DOCK3: variants seen among roughly 807,000 people sequenced by gnomAD.
The protein encoded by DOCK3 is dedicator of cytokinesis protein 3.
A neutral mutation model predicts 265.6 loss-of-function variants in DOCK3; 60 were observed. The observed-to-expected ratio is 0.23, with a 90% CI of 0.18 to 0.28. DOCK3 has a LOEUF of 0.28. Among genes scored for constraint, DOCK3 ranks in the 10% least tolerant of loss-of-function variants. DOCK3 has a pLI of 1.00. For missense variants in DOCK3, 1,981 were observed against 2,594.3 expected (o/e 0.76, Z 5.14); for synonymous variants, 881 against 938.0 (o/e 0.94, Z 1.11).
At position 51,381,127 on chromosome 3, in the gene DOCK3, C is replaced by T; in HGVS notation, c.5661C>T (p.Gly1887=). 6.2e-7 allele frequency: 1 copy of T among 1,613,894 alleles called. No homozygotes were observed. The highest frequency in any genetic ancestry group is 8.5e-7 in the Non-Finnish European group (1 of 1,179,860). ...ACGGCAGCAACTCTACGCTGTCCGG[C>T]AGTGCCAGCAGCGGCGTGTCCTCCT... The part of the protein sequence containing the change: ...GLDGSNSTLS[G]SASSGVSSLS... Residue 1887 remains glycine, a synonymous_variant, in exon 53 of 53, where the codon GGC becomes GGT. Transcript: ENST00000266037. This position sits in a 1 kb window ranked among gnomAD's most constrained non-coding sequence, Gnocchi z 5.6.
intron 9 of DOCK3, among the ~76,000 whole-genome samples, chr3:51,120,966 G>A (rs781596381): frequency 1.3e-5 from 2 of 152,112 alleles, no homozygotes; most frequent in Non-Finnish European, 2.9e-5. Context: ...CCTTTCCAGG[G>A]GAGTGAATGG....
chr3:51,119,970 C>T (rs1038005156), intron 9 of DOCK3, among the ~76,000 whole-genome samples: 4 of 151,946 alleles, frequency 2.6e-5, no homozygotes, highest in Admixed American at 6.6e-5. Flanking sequence ...TCTGTCAATT[C>T]ATCAGACTCA....
At chr3:50,715,938 C>T (rs2037080878) in intron 1 of DOCK3, among the ~76,000 whole-genome samples, 1 of 152,036 alleles carries the variant, frequency 6.6e-6, no homozygotes, top group Non-Finnish European at 1.5e-5. Context: ...TTTCCGTCAG[C>T]TGTGATTCAT....
chr3:51,310,159 G>T, intron 27 of DOCK3, 73 bp from the exon 28 acceptor site: 1 of 1,168,736 alleles, frequency 8.6e-7, no homozygotes, highest in South Asian at 1.3e-5. Flanking sequence ...ATCTAGTGGC[G>T]GCCAGGAGTG....
intron 23 of DOCK3, among the ~76,000 whole-genome samples, chr3:51,261,615 T>A (rs1263793790): frequency 6.6e-6 from 1 of 152,136 alleles, no homozygotes; most frequent in Non-Finnish European, 1.5e-5. Flanking sequence ...AGCGGTCTAG[T>A]TCAGTGAATC....
chr3:51,022,205 T>A (rs1281898131), intron 5 of DOCK3, among the ~76,000 whole-genome samples: 3 of 152,232 alleles, frequency 2.0e-5, no homozygotes, highest in Non-Finnish European at 4.4e-5. Context: ...GACTGTATAT[T>A]TAGTGACCCT....
At chr3:51,136,944 AAGAAG>A (rs1321207743) in intron 9 of DOCK3, among the ~76,000 whole-genome samples, 1 of 152,048 alleles carries the variant, frequency 6.6e-6, no homozygotes, top group Non-Finnish European at 1.5e-5. Flanking sequence ...TTCTGTTGAA[AAGAAG>A]AGAAAAGCTG....
At chr3:51,004,868 G>A (rs748039592) in intron 5 of DOCK3, among the ~76,000 whole-genome samples, 11 of 147,196 alleles carry the variant, frequency 7.5e-5, no homozygotes, top group Admixed American at 2.1e-4. Flanking sequence ...ACTCTTTATC[G>A]TTCATTCAGG....
At chr3:51,342,758 G>A (rs376550005) in intron 38 of DOCK3, among the ~76,000 whole-genome samples, 1 of 152,186 alleles carries the variant, frequency 6.6e-6, no homozygotes, top group Non-Finnish European at 1.5e-5. Flanking sequence ...CATGGACTAG[G>A]GAGTAAAACA....
intron 2 of DOCK3, chr3:50,787,609 G>C (rs576848491): frequency 6.6e-6 from 8 of 1,218,782 alleles, no homozygotes; most frequent in Non-Finnish European, 9.4e-6. Flanking sequence ...AGGCTCCTTT[G>C]TTTCCCGCTT....
chr3:51,380,943 G>A, intron 52 of DOCK3, 107 bp from the exon 53 acceptor site: 6 of 1,367,740 alleles, frequency 4.4e-6, no homozygotes, highest in Non-Finnish European at 5.9e-6. Context: ...ACATGCTGTT[G>A]ATGAGGGTTA....
chr3:51,357,975 A>G lies in DOCK3; in HGVS notation c.4782A>G (p.Gly1594=). Residue 1594 remains glycine, a synonymous_variant, in exon 46 of 53, where the codon GGA becomes GGG. Transcript: ENST00000266037. ...ELMQEQVHVL[G]VGLAVHEKFV... ...GACTCTGATAGGTTCATGTCCTTGG[A>G]GTTGGGCTAGCAGTTCATGAGAAGT... 1 of 1,613,970 alleles carries G rather than the reference A, an allele frequency of 6.2e-7. No individual in the cohort carries two copies. Among genetic ancestry groups the G allele is most frequent in the Non-Finnish European group, 8.5e-7 (1 of 1,179,880 alleles).
intron 5 of DOCK3, among the ~76,000 whole-genome samples, chr3:51,045,882 TTTTTA>T (rs1487353000): frequency 2.0e-5 from 3 of 152,318 alleles, no homozygotes; most frequent in African/African-American, 7.2e-5. Context: ...TAGGTTGTAC[TTTTTA>T]TTTTGAGATA....
chr3:51,334,921 T>G (rs910155109), intron 35 of DOCK3, among the ~76,000 whole-genome samples: 2 of 152,140 alleles, frequency 1.3e-5, no homozygotes, highest in Non-Finnish European at 2.9e-5. Context: ...AATGGTGGTA[T>G]CTACAAAAAG....
intron 5 of DOCK3, among the ~76,000 whole-genome samples, chr3:51,020,663 G>C (rs1273597444): frequency 2.0e-5 from 3 of 151,860 alleles, no homozygotes; most frequent in Admixed American, 1.3e-4. Flanking sequence ...ATAAAGAAGG[G>C]ATCTAGTTTC....
At chr3:50,883,926 C>T (rs1240785065) in intron 3 of DOCK3, among the ~76,000 whole-genome samples, 9 of 152,008 alleles carry the variant, frequency 5.9e-5, no homozygotes, top group Non-Finnish European at 1.0e-4. Context: ...TGACTTCTTT[C>T]TGTCTCTGTG....
chr3:51,381,698 T>C lies in DOCK3; in HGVS notation c.*139T>C. On this transcript the variant is annotated 3_prime_UTR_variant, in exon 53 of 53. Transcript: ENST00000266037. The surrounding 1 kb of genome is among the most constrained non-coding windows in gnomAD (Gnocchi z 5.6). Reference sequence around the variant, plus strand: ...GGAGAGAACCACCCCCAAGTCTCCGTTCTACTGCCGTGAACTCATGTGTTG... The same window carrying C: ...GGAGAGAACCACCCCCAAGTCTCCGCTCTACTGCCGTGAACTCATGTGTTG... The C allele has an allele frequency of 8.2e-7, 1 of 1,226,852 alleles. No individual in the cohort carries two copies. Among genetic ancestry groups the C allele is most frequent in the Non-Finnish European group, 1.1e-6 (1 of 915,180 alleles). The allele number at this position is 1,226,852 out of a possible 1,614,324, so 76.0% of individuals were successfully genotyped here.
chr3:50,853,459 C>G (rs1036578006), intron 3 of DOCK3, among the ~76,000 whole-genome samples: 1 of 152,138 alleles, frequency 6.6e-6, no homozygotes, highest in Non-Finnish European at 1.5e-5. Flanking sequence ...TTTTGCCTCT[C>G]TCCCTCCTTC....
chr3:51,220,247 T>C (rs1464785996), intron 14 of DOCK3, among the ~76,000 whole-genome samples: 1 of 152,116 alleles, frequency 6.6e-6, no homozygotes, highest in Non-Finnish European at 1.5e-5. Context: ...ATCATCCCAA[T>C]TGTACTGAAA....
Sources: gnomAD v4.1 joint callset for allele counts (sites outside exome capture counted in the v4.1 genomes callset) on GRCh38, gnomAD v4.1.1 for gene constraint, Gnocchi (gnomAD v3.1) non-coding constraint, MANE v1.5 for transcripts, NCBI Gene and HGNC (gene_info 2026-07-23, HGNC 2026-07-21) for gene names.